The following DMXL1 variants were observed in gnomAD, a reference collection of about 807,000 sequenced individuals.
The protein encoded by DMXL1 is Dmx like 1.
A neutral mutation model predicts 319.2 loss-of-function variants in DMXL1; 99 were observed. The ratio of observed to expected loss-of-function variants is 0.31; its 90% confidence interval spans 0.26 to 0.37. The LOEUF is 0.37. Ranked by LOEUF, DMXL1 falls within the 10% of genes least tolerant of loss-of-function variation. The pLI is 1.00. For missense variants in DMXL1, 3,745 were observed against 3,595.6 expected (o/e 1.04, Z -1.06); for synonymous variants, 1,385 against 1,235.2 (o/e 1.12, Z -2.54).
At chr5:119,208,679 C>T (rs1316410641) in intron 34 of DMXL1, among the ~76,000 whole-genome samples, 1 of 151,990 alleles carries the variant, frequency 6.6e-6, no homozygotes, top group Non-Finnish European at 1.5e-5. Flanking sequence ...AAGCCCACTG[C>T]TATATAGTTT....
chr5:119,133,098 T>C (rs1765292414), intron 10 of DMXL1, 34 bp from the exon 11 acceptor site: 2 of 1,608,614 alleles, frequency 1.2e-6, no homozygotes, highest in Non-Finnish European at 1.7e-6. Flanking sequence ...AACCTGTTTG[T>C]ATTTACTTGG....
At chr5:119,239,830 G>T (rs1473310763) in intron 41 of DMXL1, among the ~76,000 whole-genome samples, 2 of 151,596 alleles carry the variant, frequency 1.3e-5, no homozygotes, top group Non-Finnish European at 2.9e-5. Context: ...GGTGGCAGGT[G>T]CCTGTAATCC....
chr5:119,091,837 C>T (rs1354522495), intron 1 of DMXL1, among the ~76,000 whole-genome samples: 1 of 152,208 alleles, frequency 6.6e-6, no homozygotes, highest in African/African-American at 2.4e-5. Context: ...CAGCCTCTCT[C>T]ATGTGGCATC....
chr5:119,133,115 A>T lies in DMXL1; in HGVS notation c.1316-17A>T. 1 of 1,612,528 alleles carries T rather than the reference A, an allele frequency of 6.2e-7. No individual in the cohort carries two copies. On this transcript the variant is annotated splice_polypyrimidine_tract_variant and intron_variant, in intron 10 of 43. Coordinates refer to ENST00000539542, the MANE Select transcript of DMXL1 (RefSeq NM_001290321.3). ...CCTGTTTGTATTTACTTGGTTCATG[A>T]ACTCTTTTGCTTATAGAAACTGATG... is the stretch of plus-strand genomic sequence containing the variant.
At chr5:119,111,398 T>A (rs1042336783) in intron 5 of DMXL1, among the ~76,000 whole-genome samples, 6 of 152,240 alleles carry the variant, frequency 3.9e-5, no homozygotes, top group Non-Finnish European at 7.3e-5. Context: ...AAAAAATATG[T>A]TGAAATGATG....
At chr5:119,202,333 G>A (rs1393349985) in intron 32 of DMXL1, among the ~76,000 whole-genome samples, 18 of 152,130 alleles carry the variant, frequency 1.2e-4, no homozygotes, top group Admixed American at 7.2e-4. Flanking sequence ...CCCCACAGGT[G>A]AAATCCAGAC....
chr5:119,094,484 A>G (rs76233955), intron 1 of DMXL1, among the ~76,000 whole-genome samples: 1 of 152,196 alleles, frequency 6.6e-6, no homozygotes, highest in Non-Finnish European at 1.5e-5. Context: ...ATTGACAATG[A>G]CCTGTGCTCT....
In DMXL1 at chr5:119,089,100, A is replaced by G. The variant is rs1490398976; in HGVS notation, c.88-8879A>G. ...TCACCCTTTGTCTGGGAAATACTTT[A>G]TCTCTCCTTCATATTAGAAGGATAA... On this transcript the variant is annotated intron_variant, in intron 1 of 43. Transcript: ENST00000539542. Among the ~76,000 whole-genome samples, 3 of 150,946 alleles carry G rather than the reference A, an allele frequency of 2.0e-5. 1 individual carries two copies. The highest frequency in any genetic ancestry group is 2.0e-4 in the Admixed American group (3 of 15,096).
intron 28 of DMXL1, among the ~76,000 whole-genome samples, chr5:119,181,589 A>T (rs1776777073): frequency 6.6e-6 from 1 of 152,204 alleles, no homozygotes; most frequent in Non-Finnish European, 1.5e-5. Context: ...TGGGAGGCCT[A>T]GGTGGGCAGA....
At chr5:119,161,588 A>G (rs948342536) in intron 19 of DMXL1, among the ~76,000 whole-genome samples, 2 of 152,166 alleles carry the variant, frequency 1.3e-5, no homozygotes, top group Non-Finnish European at 2.9e-5. Flanking sequence ...TTCTAAGGAA[A>G]TACACAGTGA....
intron 9 of DMXL1, among the ~76,000 whole-genome samples, chr5:119,126,243 A>T (rs549796668): frequency 6.6e-6 from 1 of 152,194 alleles, no homozygotes; most frequent in Non-Finnish European, 1.5e-5. Flanking sequence ...AGATTGCGCC[A>T]TTGCCCTCCA....
intron 3 of DMXL1, chr5:119,102,310 G>A (rs1188487012): frequency 1.3e-5 from 3 of 224,526 alleles, no homozygotes; most frequent in East Asian, 1.3e-4. Flanking sequence ...ATCAAATACC[G>A]TTGTCCAGCC....
intron 19 of DMXL1, among the ~76,000 whole-genome samples, chr5:119,161,830 A>G (rs1772335916): frequency 6.6e-6 from 1 of 152,198 alleles, no homozygotes; most frequent in African/African-American, 2.4e-5. Flanking sequence ...TCTGGAAGCA[A>G]CCAGCTTGAC....
At chr5:119,217,010 T>A in intron 35 of DMXL1, 23 bp downstream of exon 35, 1 of 1,312,060 alleles carries the variant, frequency 7.6e-7, no homozygotes, top group Non-Finnish European at 1.1e-6. Context: ...ACATTCTTCT[T>A]TTGTTTATTA....
chr5:119,089,070 T>G (rs1419504662), intron 1 of DMXL1, among the ~76,000 whole-genome samples: 1 of 151,514 alleles, frequency 6.6e-6, no homozygotes, highest in African/African-American at 2.4e-5. Flanking sequence ...TGGTGGTGAA[T>G]TTCGTCACCC....
intron 25 of DMXL1, among the ~76,000 whole-genome samples, chr5:119,172,208 T>C (rs1774722555): frequency 6.6e-6 from 1 of 152,242 alleles, no homozygotes. Flanking sequence ...CCTAGTTATT[T>C]AGTCTAGCTG....
At chr5:119,116,072 T>G (rs1391056468) in intron 6 of DMXL1, 86 bp from the exon 7 acceptor site, 3 of 1,280,176 alleles carry the variant, frequency 2.3e-6, no homozygotes, top group African/African-American at 3.0e-5. Flanking sequence ...TTCTTGCCAT[T>G]GGGGAGAAAA....
At chr5:119,139,918 A>G (rs1160997974) in intron 13 of DMXL1, among the ~76,000 whole-genome samples, 1 of 152,184 alleles carries the variant, frequency 6.6e-6, no homozygotes, top group Non-Finnish European at 1.5e-5. Context: ...ATCATACCAA[A>G]CACACTGTTG....
intron 19 of DMXL1, among the ~76,000 whole-genome samples, chr5:119,154,396 T>C (rs1403378421): frequency 2.0e-5 from 3 of 152,200 alleles, no homozygotes; most frequent in Non-Finnish European, 4.4e-5. Context: ...ACATAAATGA[T>C]AAGAAAGCAA....
Sources: allele counts gnomAD v4.1 joint callset (sites outside exome capture counted in the v4.1 genomes callset), GRCh38; gene constraint gnomAD v4.1.1; transcripts MANE v1.5; gene names NCBI Gene and HGNC (gene_info 2026-07-23, HGNC 2026-07-21).